ZGRF1: variants seen among roughly 807,000 people sequenced by gnomAD.
ZGRF1 encodes zinc finger GRF-type containing 1.
ZGRF1 carries 196 observed loss-of-function variants against 203.5 expected under a neutral mutation model. The ratio of observed to expected loss-of-function variants is 0.96; its 90% CI spans 0.86 to 1.08. The LOEUF (loss-of-function observed/expected upper bound fraction) is 1.08, where lower values mean the gene tolerates loss of function less well. Among genes scored for constraint, ZGRF1 ranks in the 50% least tolerant of loss-of-function variants. The pLI, the probability that ZGRF1 is intolerant of heterozygous loss-of-function variation, is 0.00. For missense variants in ZGRF1, 2,326 were observed against 2,416.3 expected (o/e 0.96, Z 0.78); for synonymous variants, 809 against 841.3 (o/e 0.96, Z 0.66).
At chr4:112,555,385 T>C (rs1325836844) in intron 20 of ZGRF1, among the ~76,000 whole-genome samples, 1 of 152,180 alleles carries the variant, frequency 6.6e-6, no homozygotes, top group East Asian at 1.9e-4. Context: ...TGGAACTCAG[T>C]GAATACTCAA....
chr4:112,617,890 T>A lies in ZGRF1; in HGVS notation c.2152A>T (p.Ser718Cys). 6.2e-7 allele frequency: 1 copy of A among 1,613,964 alleles called. No individual in the cohort carries two copies. The highest frequency in any genetic ancestry group is 8.5e-7 in the Non-Finnish European group (1 of 1,179,948). Residue 718 changes from serine (S) to cysteine (C), a missense_variant, in exon 6 of 28, where the codon AGT becomes TGT. Transcript: ENST00000505019. ...TGTTCATCATTTTTGTCTAAGTCAC[T>A]TCCCAAAATAAAAGGCTGAGGTTGA... The part of the protein sequence containing the change: ...DAQPQPFILG[S>C]DLDKNDEHVL...
At chr4:112,549,471 C>A (rs1454960120) in intron 22 of ZGRF1, among the ~76,000 whole-genome samples, 1 of 152,090 alleles carries the variant, frequency 6.6e-6, no homozygotes, top group Non-Finnish European at 1.5e-5. Flanking sequence ...CAGTCATGTG[C>A]CACATAACAA....
At chr4:112,544,473 C>T (rs987365150) in intron 24 of ZGRF1, among the ~76,000 whole-genome samples, 32 of 151,998 alleles carry the variant, frequency 2.1e-4, no homozygotes, top group African/African-American at 6.0e-4. Flanking sequence ...AGAAGAATAA[C>T]GAAAAAGGGA....
intron 16 of ZGRF1, among the ~76,000 whole-genome samples, chr4:112,565,939 G>A (rs557513665): frequency 1.3e-5 from 2 of 152,288 alleles, no homozygotes; most frequent in African/African-American, 4.8e-5. Flanking sequence ...TCAGTGTGGT[G>A]ATTCCTCAGG....
In ZGRF1 at chr4:112,568,288, T is replaced by G. The variant is rs1310123504; in HGVS notation, c.4439-5014A>C. Among the ~76,000 whole-genome samples, 3 of 152,226 alleles carry G rather than the reference T, an allele frequency of 2.0e-5. No individual in the cohort carries two copies. In the East Asian group the frequency reaches 5.8e-4, roughly 29 times the overall value. ...AACTTTAGATTTAAAAGGCCCATAA[T>G]GTGCCCAAGAGGAGAAACAAGGAAA... On this transcript the variant is annotated intron_variant, in intron 16 of 27. Coordinates refer to ENST00000505019, the MANE Select transcript of ZGRF1 (RefSeq NM_018392.5).
chr4:112,546,371 T>C (rs1176438176), intron 24 of ZGRF1, among the ~76,000 whole-genome samples: 1 of 152,206 alleles, frequency 6.6e-6, no homozygotes, highest in Non-Finnish European at 1.5e-5. Context: ...TACTAAATGC[T>C]ACTAAACTGT....
At chr4:112,593,202 T>G (rs1190661809) in intron 10 of ZGRF1, among the ~76,000 whole-genome samples, 1 of 152,200 alleles carries the variant, frequency 6.6e-6, no homozygotes, top group Non-Finnish European at 1.5e-5. Flanking sequence ...GAAAATTGCC[T>G]CAGTCTGCCC....
At chr4:112,625,134 T>G (rs1399296014) in intron 3 of ZGRF1, among the ~76,000 whole-genome samples, 1 of 152,094 alleles carries the variant, frequency 6.6e-6, no homozygotes, top group African/African-American at 2.4e-5. Flanking sequence ...AAAAATTTTT[T>G]TTATTAGCCA....
chr4:112,577,419 C>T lies in ZGRF1; in HGVS notation c.4438+4244G>A, dbSNP rs2148973692. ...CATCATAATGACAGGATCAAATTCA[C>T]ACATAACAATATTAACCTTAAATGT... On this transcript the variant is annotated intron_variant, in intron 16 of 27. Coordinates refer to ENST00000505019, the MANE Select transcript of ZGRF1 (RefSeq NM_018392.5). Among the ~76,000 whole-genome samples, 2 of 122,792 alleles carry T rather than the reference C, an allele frequency of 1.6e-5. 1 individual carries two copies. The highest frequency in any genetic ancestry group is 4.8e-4 in the East Asian group (2 of 4,174). 80.6% of individuals were successfully genotyped at this position (122,792 alleles called of 152,430 possible). A position where few individuals can be genotyped will look rare whatever the true frequency, so the allele number is the denominator to read the frequency against.
At chr4:112,607,074 G>A (rs1750878211) in intron 8 of ZGRF1, among the ~76,000 whole-genome samples, 1 of 151,928 alleles carries the variant, frequency 6.6e-6, no homozygotes, top group African/African-American at 2.4e-5. Context: ...AAGCACAACT[G>A]CCAACCAAGT....
chr4:112,633,639 C>T (rs1205510333), intron 1 of ZGRF1, among the ~76,000 whole-genome samples: 1 of 152,292 alleles, frequency 6.6e-6, no homozygotes, highest in South Asian at 2.1e-4. Flanking sequence ...TTTTTCCTTT[C>T]ACTTCTTAGC....
rs570203810 is a variant in ZGRF1, at chr4:112,578,566, A to T, written c.4438+3097T>A. 8.2e-5 allele frequency among the ~76,000 whole-genome samples: 10 copies of T among 122,484 alleles called. 3 individuals are homozygous for T. The highest frequency in any genetic ancestry group is 1.8e-4 in the Non-Finnish European group (10 of 54,792). 80.4% of individuals were successfully genotyped at this position (122,484 alleles called of 152,430 possible). A position where few individuals can be genotyped will look rare whatever the true frequency, so the allele number is the denominator to read the frequency against. On this transcript the variant is annotated intron_variant, in intron 16 of 27. Transcript: ENST00000505019. Reference sequence around the variant, plus strand: ...GAAAAGAGAGAAGAATCAAATAGACACAATAAAAAATGATAAAGGGGATAT... The same window carrying T: ...GAAAAGAGAGAAGAATCAAATAGACTCAATAAAAAATGATAAAGGGGATAT...
intron 22 of ZGRF1, among the ~76,000 whole-genome samples, chr4:112,550,159 T>G (rs903201679): frequency 2.0e-5 from 3 of 151,516 alleles, no homozygotes; most frequent in Admixed American, 6.6e-5. Context: ...GCCACTGCAC[T>G]CCAGCCTGGG....
chr4:112,573,152 A>T (rs1311885867), intron 16 of ZGRF1, among the ~76,000 whole-genome samples: 1 of 140,662 alleles, frequency 7.1e-6, no homozygotes, highest in Non-Finnish European at 1.5e-5. Flanking sequence ...CAACAAGTGG[A>T]TAAAGAAATT....
chr4:112,565,477 T>C lies in ZGRF1; in HGVS notation c.4439-2203A>G, dbSNP rs534408785. On this transcript the variant is annotated intron_variant, in intron 16 of 27. Coordinates refer to ENST00000505019, the MANE Select transcript of ZGRF1 (RefSeq NM_018392.5). ...CTCTTCTTCCTGTTATTGGTAGTTCTGAACGTTAGGTATTTTTTTTCCATG... is the reference window on the plus strand; with the variant it reads ...CTCTTCTTCCTGTTATTGGTAGTTCCGAACGTTAGGTATTTTTTTTCCATG... 3.6e-5 allele frequency: 24 copies of C among 675,904 alleles called. No homozygotes were observed. In the South Asian group the frequency reaches 4.0e-4, roughly 11 times the overall value. The allele number at this position is 675,904 out of a possible 1,614,324, so 41.9% of individuals were successfully genotyped here. A position where few individuals can be genotyped will look rare whatever the true frequency, so the allele number is the denominator to read the frequency against.
At chr4:112,588,886 C>T (rs1220940050) in intron 11 of ZGRF1, among the ~76,000 whole-genome samples, 2 of 152,106 alleles carry the variant, frequency 1.3e-5, no homozygotes, top group African/African-American at 2.4e-5. Context: ...GTTAAAAGTC[C>T]ATTAAAGTAA....
Position 112,539,608 on chromosome 4 carries a change from A to T in ZGRF1, c.6254T>A (p.Val2085Glu). The T allele has an allele frequency of 6.3e-7, 1 of 1,583,400 alleles. No homozygotes were observed. The highest frequency in any genetic ancestry group is 8.6e-7 in the Non-Finnish European group (1 of 1,161,874). Residue 2085 changes from valine to glutamate, a missense_variant, in exon 28 of 28, where the codon GTG becomes GAG. By Grantham distance (121) the Val-to-Glu change is moderately radical. Coordinates refer to ENST00000505019, the MANE Select transcript of ZGRF1 (RefSeq NM_018392.5). ...HLLKDYFEKQ[V>E]EEKQKKKSEK... ...ACTCTTTTTCTTCTGTTTTTCTTCC[A>T]CTTGTTTTTCAAAATAATCTTTAAG...
Position 112,617,845 on chromosome 4 carries a change from T to G in ZGRF1, c.2197A>C (p.Ser733Arg). 1 of 1,614,100 alleles carries G rather than the reference T, an allele frequency of 6.2e-7. No individual in the cohort carries two copies. Among genetic ancestry groups the G allele is most frequent in the African/African-American group, 1.3e-5 (1 of 75,062 alleles). ...AATAGTTGGACACTGTTGTCACTACTAGAAGTTGAGGGTAAAACATGTTCA... is the reference window on the plus strand; with the variant it reads ...AATAGTTGGACACTGTTGTCACTACGAGAAGTTGAGGGTAAAACATGTTCA... ...NDEHVLPSTSSSDNSVQLLNT... is the reference protein window; with the variant it reads ...NDEHVLPSTSRSDNSVQLLNT... The change falls in exon 6 of 28, where the codon AGT (serine) becomes CGT (arginine). Residue 733 changes from serine to arginine, a missense_variant. Physicochemically the swap from Ser to Arg is moderately radical, Grantham distance 110 (BLOSUM62 -1). Coordinates refer to ENST00000505019, the MANE Select transcript of ZGRF1 (RefSeq NM_018392.5).
chr4:112,636,892 AAAC>A lies in ZGRF1; in HGVS notation c.-111_-109del, dbSNP rs1444455432. The A allele has an allele frequency of 6.6e-6, 1 of 152,242 alleles. No homozygotes were observed. Among genetic ancestry groups the A allele is most frequent in the African/African-American group, 2.4e-5 (1 of 41,446 alleles). The allele number at this position is 152,242 out of a possible 1,614,324, so 9.4% of individuals were successfully genotyped here. A position where few individuals can be genotyped will look rare whatever the true frequency, so the allele number is the denominator to read the frequency against. On this transcript the variant is annotated 5_prime_UTR_variant, in exon 1 of 28. Coordinates refer to ENST00000505019, the MANE Select transcript of ZGRF1 (RefSeq NM_018392.5). ...AATCCACTTTCGAATTTCTCCCGCG[AAAC>A]AACGTGACGTCATTAACGCGGGACC...
Sources: allele counts gnomAD v4.1 joint callset (sites outside exome capture counted in the v4.1 genomes callset), GRCh38; gene constraint gnomAD v4.1.1; transcripts MANE v1.5; gene names NCBI Gene and HGNC (gene_info 2026-07-23, HGNC 2026-07-21).